The following MYO1D variants were observed in gnomAD, a reference collection of about 807,000 sequenced individuals.
MYO1D encodes myosin ID.
MYO1D carries 83 observed loss-of-function variants against 122.0 expected under a neutral mutation model. The observed-to-expected ratio is 0.68, with a 90% CI of 0.57 to 0.82. The LOEUF is 0.82. MYO1D is among the 40% of genes least tolerant of loss of function. The pLI is 0.00. For synonymous variants in MYO1D, 464 were observed against 446.9 expected, an observed-to-expected ratio of 1.04 and a Z score of -0.48; for missense variants, 1,157 against 1,269.5, an observed-to-expected ratio of 0.91 and a Z score of 1.35.
At chr17:32,619,290 C>T (rs182079501) in intron 20 of MYO1D, among the ~76,000 whole-genome samples, 52 of 152,252 alleles carry the variant, frequency 3.4e-4, no homozygotes, top group Middle Eastern at 3.4e-3. Flanking sequence ...ATTACTGCTT[C>T]AGATTTATTG....
At chr17:32,752,056 CA>C (rs1321413408) in intron 11 of MYO1D, among the ~76,000 whole-genome samples, 1 of 152,168 alleles carries the variant, frequency 6.6e-6, no homozygotes, top group Admixed American at 6.5e-5. Flanking sequence ...ACCAAGACAG[CA>C]TGGCACTGTT....
intron 21 of MYO1D, among the ~76,000 whole-genome samples, chr17:32,514,374 T>C (rs1424848465): frequency 6.6e-6 from 1 of 151,938 alleles, no homozygotes; most frequent in Non-Finnish European, 1.5e-5. Context: ...ATTACAGGTG[T>C]AAGCCACCGC....
intron 1 of MYO1D, among the ~76,000 whole-genome samples, chr17:32,859,450 A>G (rs1026243033): frequency 3.3e-5 from 5 of 152,058 alleles, no homozygotes; most frequent in Non-Finnish European, 5.9e-5. Context: ...TCCAAACTCT[A>G]ATCTGGGCCC....
chr17:32,770,427 A>G (rs2090101726), intron 6 of MYO1D, among the ~76,000 whole-genome samples: 4 of 152,146 alleles, frequency 2.6e-5, no homozygotes, highest in Non-Finnish European at 5.9e-5. Context: ...ACTGTGATCT[A>G]TATCCTACCA....
intron 14 of MYO1D, among the ~76,000 whole-genome samples, chr17:32,727,207 A>G (rs1261468603): frequency 6.6e-6 from 1 of 152,254 alleles, no homozygotes; most frequent in Non-Finnish European, 1.5e-5. Flanking sequence ...AGGTAGCGTC[A>G]GTGTCCTTGG....
chr17:32,705,116 T>C (rs1199532871), intron 16 of MYO1D, among the ~76,000 whole-genome samples: 1 of 150,230 alleles, frequency 6.7e-6, no homozygotes, highest in African/African-American at 2.5e-5. Context: ...CAGCACAGAT[T>C]TGAACTACGT....
chr17:32,731,434 G>T (rs900040913), intron 14 of MYO1D, among the ~76,000 whole-genome samples: 4 of 152,030 alleles, frequency 2.6e-5, no homozygotes, highest in African/African-American at 9.7e-5. Context: ...TGTATATTAA[G>T]CATTCTCATA....
chr17:32,761,895 T>C (rs1329942794), intron 8 of MYO1D, among the ~76,000 whole-genome samples: 1 of 152,152 alleles, frequency 6.6e-6, no homozygotes, highest in Non-Finnish European at 1.5e-5. Flanking sequence ...ACTTATTATA[T>C]ATAGTTTGTT....
intron 1 of MYO1D, among the ~76,000 whole-genome samples, chr17:32,862,714 T>C (rs1314601573): frequency 6.6e-6 from 1 of 152,184 alleles, no homozygotes; most frequent in Non-Finnish European, 1.5e-5. Flanking sequence ...TTATCAACGA[T>C]TAAATTGATT....
intron 1 of MYO1D, among the ~76,000 whole-genome samples, chr17:32,841,801 T>C (rs140085417): frequency 6.6e-6 from 1 of 152,116 alleles, no homozygotes; most frequent in East Asian, 1.9e-4. Flanking sequence ...AAAGAATGGA[T>C]AAAGATGCGG....
At chr17:32,518,782 A>G (rs1012150850) in intron 21 of MYO1D, 1 of 152,242 alleles carries the variant, frequency 6.6e-6, no homozygotes, top group Non-Finnish European at 1.5e-5. Flanking sequence ...AGCACTCTTC[A>G]TCACCAGGTG....
chr17:32,764,150 T>C (rs1371766741), intron 8 of MYO1D, among the ~76,000 whole-genome samples: 1 of 152,192 alleles, frequency 6.6e-6, no homozygotes, highest in Non-Finnish European at 1.5e-5. Flanking sequence ...GACATTATGC[T>C]AAGTGAAATA....
rs768860902 is a variant in MYO1D, at chr17:32,755,489, T to C, written c.1467+3A>G. 1 of 1,613,280 alleles carries C rather than the reference T, an allele frequency of 6.2e-7. No individual in the cohort carries two copies. Among genetic ancestry groups the C allele is most frequent in the Non-Finnish European group, 8.5e-7 (1 of 1,179,438 alleles). ...AGGAAGAAGGTGTCATTAAACACAT[T>C]ACCTTTCGGCTGGAAAAATGGGCGT... On this transcript the variant is annotated splice_donor_region_variant and intron_variant, in intron 11 of 21. Transcript: ENST00000318217.
chr17:32,797,176 G>T (rs911903867), intron 1 of MYO1D, among the ~76,000 whole-genome samples: 2 of 152,110 alleles, frequency 1.3e-5, no homozygotes, highest in African/African-American at 4.8e-5. Flanking sequence ...TCACCATGTT[G>T]GTCAAGACAG....
chr17:32,746,688 C>T (rs2089841652), intron 12 of MYO1D, among the ~76,000 whole-genome samples: 1 of 152,198 alleles, frequency 6.6e-6, no homozygotes, highest in East Asian at 1.9e-4. Flanking sequence ...TTATGAAGTA[C>T]TGAGCACATA....
intron 1 of MYO1D, among the ~76,000 whole-genome samples, chr17:32,814,223 A>T (rs1018506783): frequency 2.6e-5 from 4 of 152,182 alleles, no homozygotes; most frequent in Non-Finnish European, 5.9e-5. Flanking sequence ...GTGCACCTGT[A>T]GTCCCAGCTA....
chr17:32,526,541 G>A (rs4794927), intron 21 of MYO1D, among the ~76,000 whole-genome samples: 16,563 of 151,874 alleles, frequency 0.11, 1,037 homozygotes, highest in South Asian at 0.23. Flanking sequence ...CATCTTACCC[G>A]GATAACTGAA....
At chr17:32,514,474 G>GA (rs1300267310) in intron 21 of MYO1D, among the ~76,000 whole-genome samples, 3 of 152,078 alleles carry the variant, frequency 2.0e-5, no homozygotes, top group African/African-American at 7.2e-5. Context: ...ATCTTTATCT[G>GA]AAAATGTCCA....
intron 4 of MYO1D, among the ~76,000 whole-genome samples, chr17:32,773,996 C>T (rs767960597): frequency 1.3e-5 from 2 of 152,060 alleles, no homozygotes; most frequent in Non-Finnish European, 2.9e-5. Context: ...AGGACCTCTC[C>T]CCTCCTCCCC....
Sources: gnomAD v4.1 joint callset for allele counts (sites outside exome capture counted in the v4.1 genomes callset) on GRCh38, gnomAD v4.1.1 for gene constraint, MANE v1.5 for transcripts, NCBI Gene and HGNC (gene_info 2026-07-23, HGNC 2026-07-21) for gene names.